Variants in KCNT2 observed in about 807,000 individuals in gnomAD.
The protein encoded by KCNT2 is potassium channel subfamily T member 2.
Under a neutral mutation model 153.8 loss-of-function variants are expected in KCNT2, and 67 were observed. That is an observed-to-expected ratio of 0.44 (90% CI 0.36 to 0.53). The LOEUF (loss-of-function observed/expected upper bound fraction) is 0.53. Ranked by LOEUF, KCNT2 falls within the 20% of genes least tolerant of loss-of-function variation. The pLI is 0.00. For missense variants in KCNT2, 975 were observed against 1,354.8 expected, an observed-to-expected ratio of 0.72 and a Z score of 4.40; for synonymous variants, 500 against 458.8, an observed-to-expected ratio of 1.09 and a Z score of -1.15.
chr1:196,545,465 G>A (rs1052119381), intron 1 of KCNT2, among the ~76,000 whole-genome samples: 2 of 152,002 alleles, frequency 1.3e-5, no homozygotes, highest in Non-Finnish European at 2.9e-5. Flanking sequence ...GGATCAGGCT[G>A]GAGAGGTTGC....
At chr1:196,378,133 GA>G (rs1453898856) in intron 13 of KCNT2, among the ~76,000 whole-genome samples, 2 of 152,146 alleles carry the variant, frequency 1.3e-5, no homozygotes, top group Non-Finnish European at 2.9e-5. Flanking sequence ...ACTCCGTAAA[GA>G]GAAGAATCAA....
intron 14 of KCNT2, among the ~76,000 whole-genome samples, chr1:196,364,965 C>T (rs965683539): frequency 4.6e-5 from 7 of 151,950 alleles, no homozygotes; most frequent in Non-Finnish European, 5.9e-5. Context: ...ATTTGCTTCC[C>T]CTTACTTTTA....
chr1:196,510,932 T>C (rs1330260645), intron 1 of KCNT2, among the ~76,000 whole-genome samples: 1 of 152,124 alleles, frequency 6.6e-6, no homozygotes, highest in African/African-American at 2.4e-5. Context: ...ACCAAGCAAC[T>C]AGCTATGGTT....
chr1:196,243,732 TG>T (rs1655168798), intron 26 of KCNT2, among the ~76,000 whole-genome samples: 1 of 152,190 alleles, frequency 6.6e-6, no homozygotes, highest in Non-Finnish European at 1.5e-5. Context: ...TAAAGTGCTC[TG>T]GGGTTCTAAA....
chr1:196,419,148 C>CT (rs562417005), intron 12 of KCNT2, among the ~76,000 whole-genome samples: 6 of 151,290 alleles, frequency 4.0e-5, no homozygotes, highest in Non-Finnish European at 7.4e-5. Flanking sequence ...TTTCTACTTT[C>CT]TTTTTTTTAA....
rs754305006 is a variant in KCNT2 at position 196,333,835 on chromosome 1, A to G, written c.1997+12T>C. ...ACCCAGTAATCTTACACCTTAGAGT[A>G]TCTGAACATACTCTAAGTTTGAAGA... On this transcript the variant is annotated intron_variant, in intron 17 of 27. Transcript: ENST00000294725. The G allele has an allele frequency of 2.6e-6, 4 of 1,536,410 alleles. No homozygotes were observed. The highest frequency in any genetic ancestry group is 1.7e-5 in the Admixed American group (1 of 59,560).
At chr1:196,562,845 T>C (rs1392690561) in intron 1 of KCNT2, among the ~76,000 whole-genome samples, 1 of 152,000 alleles carries the variant, frequency 6.6e-6, no homozygotes, top group East Asian at 1.9e-4. Context: ...AATAAAATAC[T>C]ATTTTCTTTC....
Position 196,234,621 on chromosome 1 carries a change from AT to A in KCNT2, c.3296+1364del, listed in dbSNP as rs575392181. 2.0e-3 allele frequency among the ~76,000 whole-genome samples: 308 copies of A among 151,532 alleles called. 1 individual carries two copies. Among genetic ancestry groups the A allele is most frequent in the South Asian group, 0.011 (52 of 4,826 alleles). On this transcript the variant is annotated intron_variant, in intron 27 of 27. Coordinates refer to ENST00000294725, the MANE Select transcript of KCNT2 (RefSeq NM_198503.5). The stretch of plus-strand genomic sequence containing the variant: ...TTTTCTGCAGAACTCTTTTAAAAAA[AT>A]CATACCCTTTTCACTCCAGTCGAAA...
intron 1 of KCNT2, among the ~76,000 whole-genome samples, chr1:196,593,311 T>TATATACACACAC (rs1256165838): frequency 2.4e-4 from 34 of 140,208 alleles, no homozygotes; most frequent in African/African-American, 9.5e-4. Context: ...TATATATATA[T>TATATACACACAC]ACACACACAC....
At position 196,226,030 on chromosome 1, in the gene KCNT2, GGTATGAACTGT is replaced by G. The variant is rs1176921958; in HGVS notation, c.*2183_*2193del. ...TAAATTATCATTATTGTAGCAAGCT[GGTATGAACTGT>G]GTCAAATATTAAATTTGGACTAATG... On this transcript the variant is annotated 3_prime_UTR_variant, in exon 28 of 28. Coordinates refer to ENST00000294725, the MANE Select transcript of KCNT2 (RefSeq NM_198503.5). The G allele has an allele frequency of 1.3e-5, 2 of 151,820 alleles. No individual in the cohort carries two copies. Among genetic ancestry groups the G allele is most frequent in the Non-Finnish European group, 2.9e-5 (2 of 67,896 alleles). The allele number at this position is 151,820 out of a possible 1,614,324, so 9.4% of individuals were successfully genotyped here. A position where few individuals can be genotyped will look rare whatever the true frequency, so the allele number is the denominator to read the frequency against.
At chr1:196,440,689 C>T (rs1480684745) in intron 8 of KCNT2, among the ~76,000 whole-genome samples, 1 of 151,798 alleles carries the variant, frequency 6.6e-6, no homozygotes, top group Non-Finnish European at 1.5e-5. Flanking sequence ...AATAATGAAA[C>T]TGTCAGTTCC....
At chr1:196,348,965 A>G (rs1187271535) in intron 14 of KCNT2, among the ~76,000 whole-genome samples, 1 of 152,028 alleles carries the variant, frequency 6.6e-6, no homozygotes, top group Non-Finnish European at 1.5e-5. Flanking sequence ...AAGAAGAGAA[A>G]GAAAGAATCC....
intron 20 of KCNT2, 145 bp downstream of exon 20, chr1:196,319,339 C>A: frequency 2.2e-6 from 1 of 456,522 alleles, no homozygotes; most frequent in South Asian, 5.3e-5. Context: ...ATGTATAACA[C>A]GAGAACATAA....
chr1:196,501,955 C>A, intron 1 of KCNT2, among the ~76,000 whole-genome samples: 1 of 152,036 alleles, frequency 6.6e-6, no homozygotes, highest in Non-Finnish European at 1.5e-5. Context: ...CTCATCTCTA[C>A]TAAAATACAA....
chr1:196,308,057 C>T (rs1661808058), intron 21 of KCNT2, among the ~76,000 whole-genome samples: 1 of 151,958 alleles, frequency 6.6e-6, no homozygotes, highest in African/African-American at 2.4e-5. Context: ...TCAATGAGCA[C>T]AAAGCCCTAT....
At chr1:196,562,099 G>A (rs570379590) in intron 1 of KCNT2, among the ~76,000 whole-genome samples, 2 of 151,858 alleles carry the variant, frequency 1.3e-5, no homozygotes, top group Admixed American at 6.6e-5. Context: ...ATTCTCTCCT[G>A]GATCAGGGAA....
intron 12 of KCNT2, among the ~76,000 whole-genome samples, chr1:196,409,043 T>G (rs529518468): frequency 6.6e-6 from 1 of 151,206 alleles, no homozygotes; most frequent in Non-Finnish European, 1.5e-5. Flanking sequence ...AGGGTTTTTT[T>G]TTATATGAAG....
At chr1:196,382,350 G>A (rs1669583070) in intron 13 of KCNT2, among the ~76,000 whole-genome samples, 1 of 151,598 alleles carries the variant, frequency 6.6e-6, no homozygotes, top group African/African-American at 2.4e-5. Flanking sequence ...CTTGTGATCC[G>A]CCCACCTCCG....
intron 1 of KCNT2, among the ~76,000 whole-genome samples, chr1:196,521,171 C>A (rs1436391174): frequency 6.6e-6 from 1 of 152,080 alleles, no homozygotes; most frequent in Non-Finnish European, 1.5e-5. Context: ...GATATACATG[C>A]AACCAACAAT....
Sources: gnomAD v4.1 joint callset for allele counts (sites outside exome capture counted in the v4.1 genomes callset) on GRCh38, gnomAD v4.1.1 for gene constraint, MANE v1.5 for transcripts, NCBI Gene and HGNC (gene_info 2026-07-23, HGNC 2026-07-21) for gene names.